Variants in RANBP2 observed in about 807,000 individuals in gnomAD.
The protein encoded by RANBP2 is RAN binding protein 2, also known as E3 SUMO-protein ligase RanBP2.
RANBP2 carries 57 observed loss-of-function variants against 303.6 expected under a neutral mutation model. That is an observed-to-expected ratio of 0.19 (90% confidence interval 0.15 to 0.23). The LOEUF (loss-of-function observed/expected upper bound fraction) is 0.23. Ranked by LOEUF, RANBP2 falls within the 10% of genes least tolerant of loss-of-function variation. The pLI is 1.00. For synonymous variants in RANBP2, 1,167 were observed against 1,301.5 expected (o/e 0.90, Z 2.23); for missense variants, 3,138 against 3,780.8 (o/e 0.83, Z 4.46).
the RANBP2 span, among the ~76,000 whole-genome samples, chr2:109,150,566 C>T: frequency 6.6e-6 from 1 of 152,066 alleles, no homozygotes; most frequent in Non-Finnish European, 1.5e-5. Flanking sequence ...TATGATTACC[C>T]CCATTGTGCA....
chr2:109,366,869 A>G, the RANBP2 span, among the ~76,000 whole-genome samples: 1 of 152,218 alleles, frequency 6.6e-6, no homozygotes, highest in Admixed American at 6.5e-5. Flanking sequence ...AAATAAATAA[A>G]TAAACAAAAA....
chr2:108,763,625 C>A lies in RANBP2; in HGVS notation c.3086C>A (p.Thr1029Asn). 6.2e-7 allele frequency: 1 copy of A among 1,614,136 alleles called. No homozygotes were observed. Among genetic ancestry groups the A allele is most frequent in the Non-Finnish European group, 8.5e-7 (1 of 1,180,008 alleles). ...ACACAAGCACACACAACACAGCCAA[C>A]TCCTTTTAAATTTAACTCAAATTTC... ...LPTQAHTTQPTPFKFNSNFKS... is the reference protein window; with the variant it reads ...LPTQAHTTQPNPFKFNSNFKS... The change falls in exon 20 of 29, where the codon ACT becomes AAT. Residue 1029 changes from threonine to asparagine, a missense_variant. Thr to Asn is a moderately conservative substitution (Grantham distance 65). Around this residue, in one of 20 missense-constraint regions of RANBP2, gnomAD observed 403 missense variants for 376.7 expected, o/e 1.07. Coordinates refer to ENST00000283195, the MANE Select transcript of RANBP2 (RefSeq NM_006267.5).
chr2:109,299,129 C>T, the RANBP2 span, among the ~76,000 whole-genome samples: 1 of 152,210 alleles, frequency 6.6e-6, no homozygotes, highest in Non-Finnish European at 1.5e-5. Context: ...GCCCCCTCAG[C>T]TCCTCTCCCC....
In RANBP2 at chr2:108,785,708, T is replaced by TTC. The variant is rs1448113650; in HGVS notation, c.*1807_*1808insTC. The TTC allele has an allele frequency of 2.6e-5, 4 of 152,238 alleles. No homozygotes were observed. Among genetic ancestry groups the TTC allele is most frequent in the Non-Finnish European group, 4.4e-5 (3 of 68,030 alleles). The allele number at this position is 152,238 out of a possible 1,614,324, so 9.4% of individuals were successfully genotyped here. On this transcript the variant is annotated 3_prime_UTR_variant, in exon 29 of 29. Transcript: ENST00000283195. Reference sequence around the variant, plus strand: ...TTTCTCTTTGTTATTTAATCACTGATGTGGTCTAAACCCACGATAATATGT... The same window carrying TTC: ...TTTCTCTTTGTTATTTAATCACTGATTCGTGGTCTAAACCCACGATAATATGT...
chr2:108,788,033 A>C, downstream of RANBP2: 1 of 1,535,696 alleles, frequency 6.5e-7, no homozygotes. Context: ...TTTTTTTAGT[A>C]TGATTTTTCA....
the RANBP2 span, chr2:109,130,229 C>T: frequency 0.25 from 253,457 of 1,002,566 alleles, 34,551 homozygotes; most frequent in Middle Eastern, 0.31. Context: ...CTGCGTTGGC[C>T]CACTCCGCTG....
the RANBP2 span, among the ~76,000 whole-genome samples, chr2:109,294,725 G>A: frequency 6.6e-6 from 1 of 152,176 alleles, no homozygotes; most frequent in East Asian, 1.9e-4. Flanking sequence ...CAGCCCTACA[G>A]GGGAAGCTAG....
At chr2:109,652,604 A>G in the RANBP2 span, among the ~76,000 whole-genome samples, 20 of 152,208 alleles carry the variant, frequency 1.3e-4, no homozygotes, top group African/African-American at 4.1e-4. Context: ...TCACACGACT[A>G]TGGATTCCTC....
At chr2:109,162,628 G>A in the RANBP2 span, among the ~76,000 whole-genome samples, 1 of 152,096 alleles carries the variant, frequency 6.6e-6, no homozygotes, top group Non-Finnish European at 1.5e-5. Context: ...GTCTATCATT[G>A]TTGGACATTT....
At chr2:108,979,953 GGT>G in the RANBP2 span, among the ~76,000 whole-genome samples, 1 of 151,668 alleles carries the variant, frequency 6.6e-6, no homozygotes, top group African/African-American at 2.4e-5. Flanking sequence ...GCTGAGATGA[GGT>G]GTGCAAGTGA....
chr2:109,631,681 G>C, the RANBP2 span, among the ~76,000 whole-genome samples: 2 of 152,060 alleles, frequency 1.3e-5, no homozygotes, highest in African/African-American at 4.8e-5. Context: ...GCTTGAACCT[G>C]GGAGGCAGAG....
At chr2:108,928,176 C>T in the RANBP2 span, among the ~76,000 whole-genome samples, 5 of 152,180 alleles carry the variant, frequency 3.3e-5, no homozygotes, top group Non-Finnish European at 5.9e-5. Flanking sequence ...CTTGCTCTGG[C>T]CACAGGGACC....
chr2:108,907,720 A>C, the RANBP2 span: 1 of 942,482 alleles, frequency 1.1e-6, no homozygotes, highest in Non-Finnish European at 1.7e-6. Flanking sequence ...TGAACTTGTC[A>C]CTGTCCAGGT....
the RANBP2 span, among the ~76,000 whole-genome samples, chr2:109,011,125 A>G: frequency 2.6e-5 from 4 of 152,308 alleles, no homozygotes; most frequent in South Asian, 8.3e-4. Context: ...TTCATCACTC[A>G]GATGAGTTCT....
the RANBP2 span, among the ~76,000 whole-genome samples, chr2:109,709,494 C>T: frequency 2.6e-5 from 4 of 152,186 alleles, no homozygotes; most frequent in African/African-American, 9.6e-5. Flanking sequence ...AGTGCCAGGG[C>T]TTTGCAATCC....
chr2:109,351,824 C>T, the RANBP2 span, among the ~76,000 whole-genome samples: 3 of 152,244 alleles, frequency 2.0e-5, no homozygotes, highest in Admixed American at 6.5e-5. Flanking sequence ...ATCTCACCCT[C>T]GATTTGTCCT....
the RANBP2 span, among the ~76,000 whole-genome samples, chr2:108,796,819 G>A: frequency 6.6e-6 from 1 of 152,170 alleles, no homozygotes; most frequent in South Asian, 2.1e-4. Context: ...CAGAGGCTGG[G>A]AGGGGAAGGG....
chr2:109,598,901 A>AAAAAT, the RANBP2 span, among the ~76,000 whole-genome samples: 20 of 151,756 alleles, frequency 1.3e-4, no homozygotes, highest in African/African-American at 2.7e-4. Context: ...AAAATAAAAA[A>AAAAAT]AAAATTATTA....
chr2:109,464,094 C>T, the RANBP2 span, among the ~76,000 whole-genome samples: 6 of 152,240 alleles, frequency 3.9e-5, no homozygotes, highest in East Asian at 7.7e-4. Context: ...GCCAGCAGGC[C>T]GGGCTGCAGC....
Sources: gnomAD v4.1 joint callset for allele counts (sites outside exome capture counted in the v4.1 genomes callset) on GRCh38, gnomAD v4.1.1 for gene constraint, gnomAD v4.1.1 regional missense constraint, MANE v1.5 for transcripts, NCBI Gene and HGNC (gene_info 2026-07-23, HGNC 2026-07-21) for gene names.